PTN: variants seen among roughly 807,000 people sequenced by gnomAD.
The protein encoded by PTN is heparin affin regulatory protein.
A neutral mutation model predicts 24.1 loss-of-function variants in PTN; 18 were observed. That is an observed-to-expected ratio of 0.75 (90% CI 0.52 to 1.11). The LOEUF (loss-of-function observed/expected upper bound fraction) is 1.11, where lower values mean the gene tolerates loss of function less well. Ranked by LOEUF, PTN falls within the 50% of genes least tolerant of loss-of-function variation. The pLI, the probability that PTN is intolerant of heterozygous loss-of-function variation, is 0.00. For synonymous variants in PTN, 78 were observed against 68.6 expected (o/e 1.14, Z -0.67); for missense variants, 163 against 198.8 (o/e 0.82, Z 1.08).
rs959538958 is a variant in PTN at position 137,253,482 on chromosome 7, A to G, written c.271T>C (p.Trp91Arg). Residue 91 changes from tryptophan to arginine, a missense_variant, in exon 3 of 5, where the codon TGG becomes CGG. By Grantham distance (101) the Trp-to-Arg change is moderately radical (BLOSUM62 -3). Coordinates refer to ENST00000348225, the MANE Select transcript of PTN (RefSeq NM_002825.7). ...KTQRCKIPCN[W>R]KKQFGAECKY... ...GGCTTACCGCCAAATTGCTTCTTCC[A>G]GTTGCAGGGGATCTTACATCTCTGG... 39 of 1,608,822 alleles carry G rather than the reference A, an allele frequency of 2.4e-5. No homozygotes were observed. The highest frequency in any genetic ancestry group is 3.3e-5 in the Non-Finnish European group (39 of 1,176,988).
chr7:137,265,435 T>A (rs926424258), intron 1 of PTN, among the ~76,000 whole-genome samples: 1 of 152,238 alleles, frequency 6.6e-6, no homozygotes. Context: ...AATGGCTGAC[T>A]GATTGATAAG....
intron 3 of PTN, 84 bp from the exon 4 acceptor site, chr7:137,251,475 AC>A: frequency 6.9e-7 from 1 of 1,439,452 alleles, no homozygotes; most frequent in Non-Finnish European, 9.6e-7. Context: ...TTTGTTTGTA[AC>A]TTTTTTATTG....
chr7:137,338,832 G>GA (rs1810488602), intron 1 of PTN, among the ~76,000 whole-genome samples: 2 of 152,000 alleles, frequency 1.3e-5, no homozygotes, highest in Admixed American at 1.3e-4. Flanking sequence ...AGTATTCATT[G>GA]AAAAAATATT....
At chr7:137,333,123 C>A (rs920376355) in intron 1 of PTN, among the ~76,000 whole-genome samples, 1 of 152,072 alleles carries the variant, frequency 6.6e-6, no homozygotes, top group African/African-American at 2.4e-5. Context: ...TGAGTTCCCA[C>A]TCTTAGTTCC....
At chr7:137,334,845 A>G (rs6961173) in intron 1 of PTN, among the ~76,000 whole-genome samples, 6,064 of 152,074 alleles carry the variant, frequency 0.04, 422 homozygotes, top group African/African-American at 0.14. Flanking sequence ...AATATATACC[A>G]TGGAATACTA....
At chr7:137,259,648 A>T (rs1808998749) in intron 1 of PTN, among the ~76,000 whole-genome samples, 1 of 151,532 alleles carries the variant, frequency 6.6e-6, no homozygotes, top group Non-Finnish European at 1.5e-5. Context: ...ACTTTGTTTT[A>T]TCTAGTATTA....
At chr7:137,263,929 T>A (rs898659072) in intron 1 of PTN, among the ~76,000 whole-genome samples, 1 of 152,188 alleles carries the variant, frequency 6.6e-6, no homozygotes, top group Non-Finnish European at 1.5e-5. Context: ...TTTTTATCTG[T>A]GTGTTTTGAA....
At chr7:137,282,486 CAG>C (rs1346333876) in intron 1 of PTN, among the ~76,000 whole-genome samples, 2 of 152,036 alleles carry the variant, frequency 1.3e-5, no homozygotes, top group South Asian at 2.1e-4. Flanking sequence ...AGAAGCAGAA[CAG>C]AGAGTCAGGA....
In PTN at chr7:137,251,225, C is replaced by T. The variant is rs1429261985; in HGVS notation, c.451+5G>A. 6.2e-7 allele frequency: 1 copy of T among 1,613,758 alleles called. No individual in the cohort carries two copies. The highest frequency in any genetic ancestry group is 1.3e-5 in the African/African-American group (1 of 74,884). ...TAAAATTGTGGTATAATGGCAAGGA[C>T]TTACCTTGAGGTTTGGGCTTGGTCA... is the stretch of plus-strand genomic sequence containing the variant. On this transcript the variant is annotated splice_donor_5th_base_variant and intron_variant, in intron 4 of 4. Transcript: ENST00000348225.
intron 3 of PTN, among the ~76,000 whole-genome samples, chr7:137,252,034 C>A (rs781714780): frequency 1.3e-5 from 2 of 151,848 alleles, no homozygotes; most frequent in Admixed American, 6.6e-5. Context: ...GTTTTCATTT[C>A]TCTGAGATAA....
intron 1 of PTN, among the ~76,000 whole-genome samples, chr7:137,305,935 G>T (rs758029379): frequency 6.6e-6 from 1 of 152,096 alleles, no homozygotes; most frequent in East Asian, 1.9e-4. Flanking sequence ...AACTGGAGAT[G>T]AATCTGTAGC....
chr7:137,227,986 T>C lies in PTN; in HGVS notation c.*34A>G. Reference sequence around the variant, plus strand: ...GCAATAGTTAACTGATCCTGTTTGCTGATGTCCTTTTTATGTTCCACAGGT... The same window carrying C: ...GCAATAGTTAACTGATCCTGTTTGCCGATGTCCTTTTTATGTTCCACAGGT... On this transcript the variant is annotated 3_prime_UTR_variant, in exon 5 of 5. Transcript: ENST00000348225. 1.2e-6 allele frequency: 2 copies of C among 1,602,826 alleles called. No individual in the cohort carries two copies. The highest frequency in any genetic ancestry group is 1.7e-6 in the Non-Finnish European group (2 of 1,175,544).
intron 1 of PTN, among the ~76,000 whole-genome samples, chr7:137,296,338 A>G (rs1809718063): frequency 6.6e-6 from 1 of 152,088 alleles, no homozygotes; most frequent in East Asian, 1.9e-4. Flanking sequence ...ATATTCCTGG[A>G]GAAATTCCAA....
intron 1 of PTN, among the ~76,000 whole-genome samples, chr7:137,267,461 G>A (rs573984117): frequency 6.6e-6 from 1 of 152,190 alleles, no homozygotes; most frequent in Admixed American, 6.5e-5. Context: ...TGCGTGCCTT[G>A]GCTTACAGGT....
At chr7:137,236,913 G>GA (rs1394685668) in intron 4 of PTN, among the ~76,000 whole-genome samples, 2 of 151,894 alleles carry the variant, frequency 1.3e-5, no homozygotes, top group African/African-American at 4.8e-5. Flanking sequence ...TTTAATCTGT[G>GA]AAAAAAGGGC....
intron 3 of PTN, among the ~76,000 whole-genome samples, chr7:137,252,363 C>T (rs1223415093): frequency 6.6e-6 from 1 of 151,616 alleles, no homozygotes; most frequent in Non-Finnish European, 1.5e-5. Context: ...ATGTTTTTTC[C>T]CCACTTTCTT....
intron 4 of PTN, among the ~76,000 whole-genome samples, chr7:137,240,963 T>C (rs979582453): frequency 6.6e-6 from 1 of 152,186 alleles, no homozygotes; most frequent in African/African-American, 2.4e-5. Flanking sequence ...GACTGGGTAA[T>C]ACATAAACAA....
intron 4 of PTN, among the ~76,000 whole-genome samples, chr7:137,236,663 G>A (rs962604439): frequency 7.2e-5 from 11 of 151,970 alleles, no homozygotes; most frequent in Non-Finnish European, 1.2e-4. Flanking sequence ...ACAAAAGAAC[G>A]ATTTATCTCT....
intron 1 of PTN, among the ~76,000 whole-genome samples, chr7:137,273,941 G>A (rs1457476818): frequency 6.6e-6 from 1 of 151,912 alleles, no homozygotes; most frequent in African/African-American, 2.4e-5. Flanking sequence ...GGTGTTTTAG[G>A]TACTTCAGCT....
Sources: gnomAD v4.1 joint callset for allele counts (sites outside exome capture counted in the v4.1 genomes callset) on GRCh38, gnomAD v4.1.1 for gene constraint, MANE v1.5 for transcripts, NCBI Gene and HGNC (gene_info 2026-07-23, HGNC 2026-07-21) for gene names.